The following ACER3 variants were observed in gnomAD, a reference collection of about 807,000 sequenced individuals.
The protein encoded by ACER3 is alkaline ceramidase 3.
Under a neutral mutation model 48.9 loss-of-function variants are expected in ACER3, and 16 were observed. The ratio of observed to expected loss-of-function variants is 0.33; its 90% confidence interval spans 0.22 to 0.50. The LOEUF (loss-of-function observed/expected upper bound fraction) is 0.50, where lower values mean the gene tolerates loss of function less well. Among genes scored for constraint, ACER3 ranks in the 20% least tolerant of loss-of-function variants. ACER3 has a pLI of 0.98. For missense variants in ACER3, 227 were observed against 326.0 expected (o/e 0.70, Z 2.34); for synonymous variants, 109 against 107.8 (o/e 1.01, Z -0.07).
At chr11:76,938,888 T>A (rs1373735932) in intron 2 of ACER3, among the ~76,000 whole-genome samples, 1 of 150,632 alleles carries the variant, frequency 6.6e-6, no homozygotes, top group African/African-American at 2.4e-5. Context: ...CAAAACTTCG[T>A]GGAGAAGTGG....
intron 1 of ACER3, among the ~76,000 whole-genome samples, chr11:76,900,550 G>T (rs1046723389): frequency 5.4e-4 from 82 of 151,964 alleles, no homozygotes; most frequent in Admixed American, 5.3e-3. Flanking sequence ...CCAGGTAAGG[G>T]GTCTCATTTT....
At chr11:76,949,960 A>G (rs1259034049) in intron 2 of ACER3, among the ~76,000 whole-genome samples, 1 of 152,168 alleles carries the variant, frequency 6.6e-6, no homozygotes, top group African/African-American at 2.4e-5. Context: ...TGCTGTTTTC[A>G]GTACCATATG....
intron 1 of ACER3, among the ~76,000 whole-genome samples, chr11:76,898,317 T>TCGAA (rs2134654796): frequency 6.6e-6 from 1 of 152,346 alleles, no homozygotes; most frequent in South Asian, 2.1e-4. Flanking sequence ...ATTTGTCTAC[T>TCGAA]CGAACATAGT....
Position 76,908,468 on chromosome 11 carries a change from G to A in ACER3, c.104-18089G>A, listed in dbSNP as rs913822356. On this transcript the variant is annotated intron_variant, in intron 1 of 10. Coordinates refer to ENST00000532485, the MANE Select transcript of ACER3 (RefSeq NM_018367.7). ...TACACCAATAGTAGACAAACAGAGAGCCAAATCATGAGGGAACTCCCATTC... is the reference window on the plus strand; with the variant it reads ...TACACCAATAGTAGACAAACAGAGAACCAAATCATGAGGGAACTCCCATTC... Among the ~76,000 whole-genome samples the A allele has an allele frequency of 5.9e-5, 9 of 151,972 alleles. No homozygotes were observed. In the South Asian group the frequency reaches 1.9e-3, roughly 32 times the overall value.
chr11:76,866,432 A>G (rs1458158310), intron 1 of ACER3, among the ~76,000 whole-genome samples: 2 of 152,214 alleles, frequency 1.3e-5, no homozygotes, highest in East Asian at 3.9e-4. Context: ...ACAGACAGTG[A>G]AAGAAGTGAC....
At chr11:76,956,626 C>G (rs1412669172) in intron 2 of ACER3, among the ~76,000 whole-genome samples, 2 of 150,296 alleles carry the variant, frequency 1.3e-5, no homozygotes, top group Non-Finnish European at 2.9e-5. Flanking sequence ...AAAAACAGTC[C>G]TTGAGTAAGG....
chr11:76,949,856 A>G (rs1478060477), intron 2 of ACER3, among the ~76,000 whole-genome samples: 1 of 152,222 alleles, frequency 6.6e-6, no homozygotes, highest in Admixed American at 6.5e-5. Flanking sequence ...ATTCCTTGGC[A>G]CATGGGTTCT....
At chr11:76,959,208 C>T (rs1266402020) in intron 3 of ACER3, 177 bp downstream of exon 3, 1 of 1,488,110 alleles carries the variant, frequency 6.7e-7, no homozygotes, top group African/African-American at 1.4e-5. Context: ...CAGGTGAGTC[C>T]ATAAGGAAAA....
At chr11:76,923,157 A>AC (rs1413102901) in intron 1 of ACER3, among the ~76,000 whole-genome samples, 2 of 151,956 alleles carry the variant, frequency 1.3e-5, no homozygotes, top group Non-Finnish European at 2.9e-5. Flanking sequence ...ATTAAAAAAA[A>AC]AAACAAACCC....
In ACER3 at chr11:77,015,053, T is replaced by C. The variant is rs782140117; in HGVS notation, c.535T>C (p.Leu179=). The C allele has an allele frequency of 7.5e-6, 12 of 1,601,240 alleles. No homozygotes were observed. The East Asian group carries it at 8.9e-5, about 12-fold the overall frequency. The change falls in exon 8 of 11, where the codon TTG becomes CTG. Residue 179 remains leucine, a synonymous_variant. Transcript: ENST00000532485. ...PWLRGLGYTS[L]GIFLLGFLFW... is the part of the protein sequence containing the mutation. ...GCTTAGAGGACTGGGTTATACATCA[T>C]TGGGTATATTTTTATTGGGATTTTT...
chr11:77,011,313 T>C (rs1591066805), intron 7 of ACER3: 1 of 985,488 alleles, frequency 1.0e-6, no homozygotes, highest in East Asian at 1.1e-4. Flanking sequence ...ACCAAAGACA[T>C]TCATTTTACC....
At chr11:76,957,579 G>T in intron 2 of ACER3, 1 of 368,326 alleles carries the variant, frequency 2.7e-6, no homozygotes, top group Non-Finnish European at 5.4e-6. Flanking sequence ...AAGTAGCTGG[G>T]ACTACAGGTG....
At chr11:76,963,439 T>C (rs1948052611) in intron 3 of ACER3, among the ~76,000 whole-genome samples, 1 of 149,900 alleles carries the variant, frequency 6.7e-6, no homozygotes, top group Non-Finnish European at 1.5e-5. Context: ...TCCACACTCC[T>C]TAATTTTCTT....
chr11:76,876,372 T>G (rs2134555254), intron 1 of ACER3, among the ~76,000 whole-genome samples: 1 of 152,316 alleles, frequency 6.6e-6, no homozygotes, highest in Admixed American at 6.5e-5. Context: ...CTTCTTTTGT[T>G]CAGCATGTTT....
Position 77,025,522 on chromosome 11 carries a change from C to A in ACER3, c.*5195C>A, listed in dbSNP as rs1320771517. ...TCCCAAGGTTCAAGCGATTCTCCTG[C>A]CTCAGCCTCCCGAGTAGCTGGGACT... On this transcript the variant is annotated 3_prime_UTR_variant, in exon 11 of 11. Transcript: ENST00000532485. The A allele has an allele frequency of 6.6e-6, 1 of 151,812 alleles. No individual in the cohort carries two copies. The highest frequency in any genetic ancestry group is 1.5e-5 in the Non-Finnish European group (1 of 68,022). 9.4% of individuals were successfully genotyped at this position (151,812 alleles called of 1,614,324 possible).
chr11:76,922,306 C>A (rs1397388526), intron 1 of ACER3, among the ~76,000 whole-genome samples: 1 of 152,142 alleles, frequency 6.6e-6, no homozygotes, highest in African/African-American at 2.4e-5. Context: ...GACTTCCATA[C>A]TATTGACATT....
rs555375149 is a variant in ACER3, at chr11:76,977,933, G to A, written c.320+1592G>A. ...TCCAGGGCAGAGCAAAGCTGTGGCC[G>A]AGCCCGGGTGCTGCCACAACTTGGC... On this transcript the variant is annotated intron_variant, in intron 4 of 10. Coordinates refer to ENST00000532485, the MANE Select transcript of ACER3 (RefSeq NM_018367.7). Among the ~76,000 whole-genome samples the A allele has an allele frequency of 1.5e-3, 224 of 152,330 alleles. 2 individuals are homozygous for A. Among genetic ancestry groups the A allele is most frequent in the African/African-American group, 4.9e-3 (205 of 41,584 alleles).
At chr11:76,869,579 A>G (rs984686206) in intron 1 of ACER3, among the ~76,000 whole-genome samples, 1 of 152,172 alleles carries the variant, frequency 6.6e-6, no homozygotes, top group Non-Finnish European at 1.5e-5. Flanking sequence ...CTGTTGGGCA[A>G]TCAATTTCCA....
intron 2 of ACER3, among the ~76,000 whole-genome samples, chr11:76,953,151 A>G (rs999390962): frequency 6.6e-6 from 1 of 152,218 alleles, no homozygotes; most frequent in African/African-American, 2.4e-5. Flanking sequence ...CTGAACTACA[A>G]GCTACAGTGG....
Sources: gnomAD v4.1 joint callset for allele counts (sites outside exome capture counted in the v4.1 genomes callset) on GRCh38, gnomAD v4.1.1 for gene constraint, MANE v1.5 for transcripts, NCBI Gene and HGNC (gene_info 2026-07-23, HGNC 2026-07-21) for gene names.